NLRP1: variants seen among roughly 807,000 people sequenced by gnomAD.
NLRP1 encodes the protein NLR family pyrin domain containing 1, also known as NACHT, LRR and PYD domains-containing protein 1.
A neutral mutation model predicts 136.7 loss-of-function variants in NLRP1; 94 were observed. That is an observed-to-expected ratio of 0.69 (90% CI 0.58 to 0.82). The LOEUF (loss-of-function observed/expected upper bound fraction) is 0.82, where lower values mean the gene tolerates loss of function less well. Ranked by LOEUF, NLRP1 falls within the 40% of genes least tolerant of loss-of-function variation. The probability of loss-of-function intolerance (pLI) is 0.00; values close to 1 mark genes in which losing one functional copy is unlikely to be tolerated. For synonymous variants in NLRP1, 690 were observed against 725.1 expected, an observed-to-expected ratio of 0.95 and a Z score of 0.78; for missense variants, 1,575 against 1,802.7, an observed-to-expected ratio of 0.87 and a Z score of 2.29.
Position 5,583,631 on chromosome 17 carries a change from G to A in NLRP1, c.271+56C>T. 6.6e-7 allele frequency: 1 copy of A among 1,508,574 alleles called. No homozygotes were observed. The highest frequency in any genetic ancestry group is 8.9e-7 in the Non-Finnish European group (1 of 1,119,484). 93.4% of individuals were successfully genotyped at this position (1,508,574 alleles called of 1,614,324 possible). A position where few individuals can be genotyped will look rare whatever the true frequency, so the allele number is the denominator to read the frequency against. On this transcript the variant is annotated intron_variant, in intron 1 of 16. Transcript: ENST00000572272. This position sits in a 1 kb window ranked among gnomAD's most constrained non-coding sequence, Gnocchi z 4.5. ...AGTGGTGGGGTCCCAAGAGGGCAGG[G>A]CAGGCATGAGGGCCAGGGGATGTCC...
Position 5,541,819 on chromosome 17 carries a change from G to A in NLRP1, c.2699+38C>T, listed in dbSNP as rs764401906. 11 of 1,607,226 alleles carry A rather than the reference G, an allele frequency of 6.8e-6. No homozygotes were observed. The highest frequency in any genetic ancestry group is 6.7e-5 in the East Asian group (3 of 44,836). ...TCTGCCTGCCTCATGGTGGCAGGCA[G>A]TTCCCTCCACCTCCCCCTGCCCACC... On this transcript the variant is annotated intron_variant, in intron 6 of 16. Coordinates refer to ENST00000572272, the MANE Select transcript of NLRP1 (RefSeq NM_033004.4). The surrounding 1 kb of genome is among the most constrained non-coding windows in gnomAD (Gnocchi z 4.2).
intron 12 of NLRP1, among the ~76,000 whole-genome samples, chr17:5,528,146 G>A (rs541384242): frequency 3.9e-5 from 6 of 152,206 alleles, no homozygotes; most frequent in Non-Finnish European, 7.3e-5. Flanking sequence ...GCAGAGCTAC[G>A]ACAGAGCTGA....
intron 8 of NLRP1, among the ~76,000 whole-genome samples, chr17:5,534,510 C>T (rs1239719791): frequency 2.6e-5 from 4 of 152,186 alleles, no homozygotes; most frequent in African/African-American, 7.2e-5. Flanking sequence ...ACTCCTTCCT[C>T]GCCCACCCTA....
rs1913583058 is a variant in NLRP1 at position 5,553,162 on chromosome 17, C to T, written c.2528+224G>A. ...CCTTCCTGCTTTGCTTAGTTAAATC[C>T]TCTGTATTCTTCAGACCTCCCTCAA... On this transcript the variant is annotated intron_variant, in intron 5 of 16. Transcript: ENST00000572272. Among the ~76,000 whole-genome samples, 3 of 152,116 alleles carry T rather than the reference C, an allele frequency of 2.0e-5. No homozygotes were observed. In the South Asian group the frequency reaches 6.2e-4, roughly 31 times the overall value.
At chr17:5,562,782 C>T (rs1002509877) in intron 3 of NLRP1, among the ~76,000 whole-genome samples, 1 of 152,236 alleles carries the variant, frequency 6.6e-6, no homozygotes, top group African/African-American at 2.4e-5. Context: ...CCTGCCATGC[C>T]ACTGTGGCTG....
At chr17:5,570,345 G>C (rs957709833) in intron 3 of NLRP1, among the ~76,000 whole-genome samples, 26 of 150,244 alleles carry the variant, frequency 1.7e-4, no homozygotes, top group African/African-American at 4.9e-4. Context: ...GAATAAATAA[G>C]ATCGATAGAC....
intron 5 of NLRP1, among the ~76,000 whole-genome samples, chr17:5,545,449 CACAGACACACAT>C (rs202012946): frequency 0.076 from 11,495 of 150,842 alleles, 1,040 homozygotes; most frequent in African/African-American, 0.22. Flanking sequence ...CACTTTGACA[CACAGACACACAT>C]ACAGACACAC....
Position 5,514,656 on chromosome 17 carries a change from C to A in NLRP1, c.*98G>T. ...GTTCCATTACTTTAGTGCTGGAAGG[C>A]AAACCAGATGGCAACTTGTTTGCAG... On this transcript the variant is annotated 3_prime_UTR_variant, in exon 17 of 17. Transcript: ENST00000572272. The A allele has an allele frequency of 6.5e-7, 1 of 1,542,880 alleles. No homozygotes were observed. Among genetic ancestry groups the A allele is most frequent in the Non-Finnish European group, 8.7e-7 (1 of 1,143,958 alleles).
At chr17:5,535,159 A>G (rs79851972) in intron 8 of NLRP1, among the ~76,000 whole-genome samples, 8,482 of 152,072 alleles carry the variant, frequency 0.056, 275 homozygotes, top group Middle Eastern at 0.092. Flanking sequence ...GGCAGAGGTT[A>G]CAGTGAGCCG....
chr17:5,580,634 C>T (rs1257265138), intron 3 of NLRP1, among the ~76,000 whole-genome samples: 1 of 152,148 alleles, frequency 6.6e-6, no homozygotes, highest in African/African-American at 2.4e-5. Context: ...TTGTGGTTTT[C>T]ATACTTGTTT....
Position 5,581,879 on chromosome 17 carries a change from G to A in NLRP1, c.632C>T (p.Thr211Met), listed in dbSNP as rs149535960. 2.3e-4 allele frequency: 370 copies of A among 1,612,604 alleles called. 2 individuals are homozygous for A. Among genetic ancestry groups the A allele is most frequent in the African/African-American group, 4.5e-4 (34 of 75,002 alleles). ...CTCACCTGTGTAGTAAATTCCTGAC[G>A]TTTCATCCAGAGGCCATTGGGTCCC... ...APGTQWPLDETSGIYYTEIRE... is the reference protein window; with the variant it reads ...APGTQWPLDEMSGIYYTEIRE... Residue 211 changes from threonine to methionine, a missense_variant, in exon 3 of 17, where the codon ACG becomes ATG. Physicochemically the swap from Thr to Met is moderately conservative, Grantham distance 81 (BLOSUM62 -1). Coordinates refer to ENST00000572272, the MANE Select transcript of NLRP1 (RefSeq NM_033004.4).
At chr17:5,539,122 C>A (rs996782355) in intron 7 of NLRP1, among the ~76,000 whole-genome samples, 2 of 152,156 alleles carry the variant, frequency 1.3e-5, no homozygotes, top group Non-Finnish European at 2.9e-5. Flanking sequence ...CCACCCGCCT[C>A]GGCCTCCCAA....
intron 8 of NLRP1, 78 bp from the exon 9 acceptor site, chr17:5,534,066 T>C: frequency 9.8e-7 from 1 of 1,021,554 alleles, no homozygotes. Flanking sequence ...CACTAAAAAT[T>C]CAACTCCTCC....
rs1911842550 is a variant in NLRP1, at chr17:5,541,355, A to G, written c.2699+502T>C. Among the ~76,000 whole-genome samples the G allele has an allele frequency of 6.6e-6, 1 of 152,100 alleles. No homozygotes were observed. Among genetic ancestry groups the G allele is most frequent in the African/African-American group, 2.4e-5 (1 of 41,418 alleles). ...GCCAGGGCGCCTCACTTGTTTCTAC[A>G]TGGTGGCGGGGGGGATGGCTCTGTC... On this transcript the variant is annotated intron_variant, in intron 6 of 16. Transcript: ENST00000572272. The surrounding 1 kb of genome is among the most constrained non-coding windows in gnomAD (Gnocchi z 4.2).
At chr17:5,512,175 A>G, downstream of NLRP1, 11 of 1,090,822 alleles carry the variant, frequency 1.0e-5, no homozygotes, top group Non-Finnish European at 1.3e-5. Flanking sequence ...TCTCACTTTC[A>G]GGGCAATCTT....
chr17:5,574,600 G>T (rs1438776201), intron 3 of NLRP1, among the ~76,000 whole-genome samples: 1 of 151,952 alleles, frequency 6.6e-6, no homozygotes, highest in East Asian at 1.9e-4. Flanking sequence ...CAGACTAACA[G>T]TGGATCTCTC....
intron 5 of NLRP1, among the ~76,000 whole-genome samples, chr17:5,546,267 T>C (rs927006819): frequency 1.3e-5 from 2 of 152,248 alleles, no homozygotes; most frequent in Admixed American, 6.5e-5. Context: ...AGATCATGTA[T>C]GCCATGTTCT....
At position 5,514,557 on chromosome 17, in the gene NLRP1, T is replaced by TA; in HGVS notation, c.*196dup. On this transcript the variant is annotated 3_prime_UTR_variant, in exon 17 of 17. Coordinates refer to ENST00000572272, the MANE Select transcript of NLRP1 (RefSeq NM_033004.4). Reference sequence around the variant, plus strand: ...AGATGGACATTCCCTGAGATGCTGTTAGGCCACCTGGACTGGGGCCCCCTG... The same window carrying TA: ...AGATGGACATTCCCTGAGATGCTGTTAAGGCCACCTGGACTGGGGCCCCCTG... 7.0e-7 allele frequency: 1 copy of TA among 1,430,458 alleles called. No homozygotes were observed. Among genetic ancestry groups the TA allele is most frequent in the Non-Finnish European group, 9.1e-7 (1 of 1,096,602 alleles). The allele number at this position is 1,430,458 out of a possible 1,614,324, so 88.6% of individuals were successfully genotyped here. A position where few individuals can be genotyped will look rare whatever the true frequency, so the allele number is the denominator to read the frequency against.
chr17:5,520,196 G>C (rs1338091951), intron 14 of NLRP1, among the ~76,000 whole-genome samples: 2 of 152,264 alleles, frequency 1.3e-5, no homozygotes, highest in South Asian at 2.1e-4. Context: ...ACCCTCAAAA[G>C]CTTGCCATTG....
Sources: allele counts gnomAD v4.1 joint callset (sites outside exome capture counted in the v4.1 genomes callset), GRCh38; gene constraint gnomAD v4.1.1; non-coding constraint Gnocchi (gnomAD v3.1); transcripts MANE v1.5; gene names NCBI Gene and HGNC (gene_info 2026-07-23, HGNC 2026-07-21).